The following ARL6IP6 variants were observed in gnomAD, a reference collection of about 807,000 sequenced individuals.
The protein encoded by ARL6IP6 is ARF like GTPase 6 interacting protein 6.
Under a neutral mutation model 21.5 loss-of-function variants are expected in ARL6IP6, and 22 were observed. The observed-to-expected ratio is 1.02, with a 90% confidence interval of 0.73 to 1.46. The LOEUF (loss-of-function observed/expected upper bound fraction) is 1.46. ARL6IP6 is among the 40% of genes most tolerant of loss of function. ARL6IP6 has a pLI of 0.00. For synonymous variants in ARL6IP6, 164 were observed against 125.3 expected (o/e 1.31, Z -2.06); for missense variants, 388 against 299.8 (o/e 1.29, Z -2.17).
Position 152,751,984 on chromosome 2 carries a change from C to T in ARL6IP6, c.588-7763C>T, listed in dbSNP as rs114990168. 4.8e-3 allele frequency among the ~76,000 whole-genome samples: 726 copies of T among 152,178 alleles called. 4 individuals carry two copies. Among genetic ancestry groups the T allele is most frequent in the African/African-American group, 0.016 (675 of 41,510 alleles). The stretch of plus-strand genomic sequence containing the variant: ...CATAATGGCTATATTAATTTATATT[C>T]CCATCACCATGTTAGACTATTACAC... On this transcript the variant is annotated intron_variant, in intron 3 of 3. Transcript: ENST00000326446.
chr2:152,718,585 G>A, upstream of ARL6IP6: 2 of 1,499,410 alleles, frequency 1.3e-6, no homozygotes, highest in South Asian at 1.4e-5. Context: ...GGGCAGGTGG[G>A]AGAGGCTCGT....
chr2:152,730,031 C>T (rs994078848), intron 2 of ARL6IP6, among the ~76,000 whole-genome samples: 16 of 152,154 alleles, frequency 1.1e-4, no homozygotes, highest in African/African-American at 3.6e-4. Flanking sequence ...GGTAATTTCC[C>T]GAATCATAAA....
chr2:152,746,816 C>T (rs1363691890), intron 3 of ARL6IP6, among the ~76,000 whole-genome samples: 2 of 80,536 alleles, frequency 2.5e-5, no homozygotes, highest in Admixed American at 1.2e-4. Flanking sequence ...GAGATTTTAT[C>T]CTTTCTTTTT....
intron 3 of ARL6IP6, among the ~76,000 whole-genome samples, chr2:152,739,014 G>C (rs973099087): frequency 2.0e-5 from 3 of 149,716 alleles, no homozygotes; most frequent in Non-Finnish European, 3.0e-5. Flanking sequence ...ATGGAGTCTT[G>C]CTCTGTCACC....
intron 2 of ARL6IP6, among the ~76,000 whole-genome samples, chr2:152,724,402 A>G (rs539602214): frequency 6.6e-6 from 1 of 152,304 alleles, no homozygotes; most frequent in East Asian, 1.9e-4. Context: ...GTATCCATCA[A>G]TGTTATTTTC....
At chr2:152,756,123 T>A (rs1701582114) in intron 3 of ARL6IP6, among the ~76,000 whole-genome samples, 1 of 152,194 alleles carries the variant, frequency 6.6e-6, no homozygotes, top group Non-Finnish European at 1.5e-5. Flanking sequence ...TTCTTGTGCT[T>A]TTGTTGTCAT....
intron 2 of ARL6IP6, among the ~76,000 whole-genome samples, chr2:152,724,828 T>A (rs1374152066): frequency 1.3e-5 from 2 of 152,180 alleles, no homozygotes; most frequent in African/African-American, 4.8e-5. Context: ...GTTGATGCTC[T>A]GCATGCTGCT....
Position 152,718,650 on chromosome 2 carries a change from G to T in ARL6IP6, c.26G>T (p.Arg9Leu), listed in dbSNP as rs755993868. 1 of 1,547,982 alleles carries T rather than the reference G, an allele frequency of 6.5e-7. No individual in the cohort carries two copies. The highest frequency in any genetic ancestry group is 1.4e-5 in the African/African-American group (1 of 72,426). The change falls in exon 1 of 4, where the codon CGG (arginine) becomes CTG (leucine). Residue 9 changes from arginine (R) to leucine (L), a missense_variant. Coordinates refer to ENST00000326446, the MANE Select transcript of ARL6IP6 (RefSeq NM_152522.7). The stretch of plus-strand genomic sequence containing the variant: ...ATGTCGTTTGCTGAGAGCGGGTGGC[G>T]GTCGGCTCTGCGGCGCCGCGGTCCC... MSFAESGW[R>L]SALRRRGPGT... is the part of the protein sequence containing the mutation.
intron 1 of ARL6IP6, chr2:152,720,005 G>A (rs1352000832): frequency 7.5e-6 from 1 of 133,768 alleles, no homozygotes; most frequent in African/African-American, 2.3e-4. Context: ...TCATAAAATG[G>A]TAAACTGAAT....
chr2:152,727,687 C>T (rs1465775725), intron 2 of ARL6IP6, among the ~76,000 whole-genome samples: 1 of 152,154 alleles, frequency 6.6e-6, no homozygotes, highest in African/African-American at 2.4e-5. Flanking sequence ...TGTTGTATTA[C>T]AGTCGCGTGC....
At chr2:152,749,791 T>C (rs1318493055) in intron 3 of ARL6IP6, among the ~76,000 whole-genome samples, 1 of 152,202 alleles carries the variant, frequency 6.6e-6, no homozygotes, top group Non-Finnish European at 1.5e-5. Flanking sequence ...ATTGTAGAAT[T>C]TTTTATTATT....
chr2:152,719,938 C>A (rs1699685454), intron 1 of ARL6IP6: 1 of 371,076 alleles, frequency 2.7e-6, no homozygotes, highest in Non-Finnish European at 5.5e-6. Context: ...TAAAACCTTA[C>A]AATGCTTGAT....
rs1699473017 is a variant in ARL6IP6, at chr2:152,718,882, G to A, written c.258G>A (p.Lys86=). ...ACGGGTCGCCCGTTCTGCCCGATAAGCGCAATGGTATCTTTCCCGCGGCCG... is the reference window on the plus strand; with the variant it reads ...ACGGGTCGCCCGTTCTGCCCGATAAACGCAATGGTATCTTTCCCGCGGCCG... ...DGNGSPVLPD[K]RNGIFPAAAG... Residue 86 remains lysine (K), a synonymous_variant, in exon 1 of 4, where the codon AAG becomes AAA. Transcript: ENST00000326446. The A allele has an allele frequency of 6.2e-7, 1 of 1,613,924 alleles. No homozygotes were observed. The highest frequency in any genetic ancestry group is 8.5e-7 in the Non-Finnish European group (1 of 1,179,922).
intron 3 of ARL6IP6, 23 bp downstream of exon 3, chr2:152,735,149 T>C (rs1284763727): frequency 6.2e-7 from 1 of 1,611,618 alleles, no homozygotes; most frequent in Non-Finnish European, 8.5e-7. Flanking sequence ...GTTTCCTGTT[T>C]CTTTTTTAAA....
chr2:152,750,644 A>C (rs1701285213), intron 3 of ARL6IP6, among the ~76,000 whole-genome samples: 1 of 398 alleles, frequency 2.5e-3, no homozygotes, highest in African/African-American at 3.0e-3. Context: ...TTCCCTTTAC[A>C]CAATGTACCT....
At chr2:152,749,772 AAG>A (rs1701233402) in intron 3 of ARL6IP6, among the ~76,000 whole-genome samples, 1 of 152,184 alleles carries the variant, frequency 6.6e-6, no homozygotes, top group African/African-American at 2.4e-5. Flanking sequence ...GGGACTACAT[AAG>A]TACTTCATTG....
intron 2 of ARL6IP6, among the ~76,000 whole-genome samples, chr2:152,729,228 G>A (rs1219219207): frequency 6.6e-6 from 1 of 151,978 alleles, no homozygotes; most frequent in Non-Finnish European, 1.5e-5. Flanking sequence ...GAATTAGCTG[G>A]GTGTGGTGGC....
At chr2:152,755,162 T>C (rs1022618717) in intron 3 of ARL6IP6, among the ~76,000 whole-genome samples, 2 of 152,226 alleles carry the variant, frequency 1.3e-5, no homozygotes, top group Admixed American at 1.3e-4. Flanking sequence ...CTGTTATGCC[T>C]GGCCAGGGCC....
chr2:152,720,336 C>T (rs1699723200), intron 1 of ARL6IP6, 197 bp from the exon 2 acceptor site: 1 of 612,930 alleles, frequency 1.6e-6, no homozygotes, highest in Non-Finnish European at 2.9e-6. Context: ...CGGTATATAG[C>T]TGTTGGCTCC....
Sources: gnomAD v4.1 joint callset for allele counts (sites outside exome capture counted in the v4.1 genomes callset) on GRCh38, gnomAD v4.1.1 for gene constraint, MANE v1.5 for transcripts, NCBI Gene and HGNC (gene_info 2026-07-23, HGNC 2026-07-21) for gene names.